KCNU1: variants seen among roughly 807,000 people sequenced by gnomAD.
KCNU1 encodes potassium channel subfamily U member 1.
In KCNU1, 93 loss-of-function variants were observed where a neutral mutation model predicts 126.8. That is an observed-to-expected ratio of 0.73 (90% CI 0.62 to 0.87). The LOEUF is 0.87. Among genes scored for constraint, KCNU1 ranks in the 40% least tolerant of loss-of-function variants. The pLI is 0.00. For synonymous variants in KCNU1, 523 were observed against 494.2 expected (o/e 1.06, Z -0.77); for missense variants, 1,330 against 1,367.1 (o/e 0.97, Z 0.43).
chr8:36,836,447 TA>T, intron 13 of KCNU1, 82 bp downstream of exon 13: 1 of 987,802 alleles, frequency 1.0e-6, no homozygotes, highest in South Asian at 1.5e-5. Context: ...AATGGATGTG[TA>T]AATAAAAAGT....
chr8:36,930,130 TGAAG>T (rs914869163), intron 24 of KCNU1, among the ~76,000 whole-genome samples: 2 of 151,942 alleles, frequency 1.3e-5, no homozygotes, highest in Non-Finnish European at 2.9e-5. Context: ...TTAGATAAAA[TGAAG>T]GATGAAAAAT....
At chr8:36,800,232 G>T (rs766786101) in intron 2 of KCNU1, among the ~76,000 whole-genome samples, 1 of 151,974 alleles carries the variant, frequency 6.6e-6, no homozygotes, top group Non-Finnish European at 1.5e-5. Context: ...ATATGCCCAA[G>T]GTTTAGAGTA....
At chr8:36,812,766 G>C (rs936652491) in intron 7 of KCNU1, among the ~76,000 whole-genome samples, 2 of 152,120 alleles carry the variant, frequency 1.3e-5, no homozygotes, top group Admixed American at 1.3e-4. Flanking sequence ...CCCACAGAAG[G>C]CTGCCATCTC....
At chr8:36,849,913 C>T (rs1270667635) in intron 18 of KCNU1, among the ~76,000 whole-genome samples, 4 of 152,172 alleles carry the variant, frequency 2.6e-5, no homozygotes, top group East Asian at 1.9e-4. Flanking sequence ...CCATTGTCCA[C>T]GGCAGCTACA....
At chr8:36,855,344 C>T (rs117377504) in intron 18 of KCNU1, among the ~76,000 whole-genome samples, 2,912 of 151,966 alleles carry the variant, frequency 0.019, 37 homozygotes, top group South Asian at 0.045. Context: ...GATAACACTC[C>T]CTGGGGATAG....
chr8:36,836,877 G>A lies in KCNU1; in HGVS notation c.1450G>A (p.Ala484Thr), dbSNP rs763016160. The A allele has an allele frequency of 8.7e-6, 14 of 1,613,590 alleles. No homozygotes were observed. Among genetic ancestry groups the A allele is most frequent in the Admixed American group, 8.3e-5 (5 of 59,990 alleles). Residue 484 changes from alanine to threonine, a missense_variant, in exon 14 of 27, where the codon GCC becomes ACC. Around this residue, in one of 3 missense-constraint regions of KCNU1, gnomAD observed 1,054 missense variants for 1,053.9 expected, o/e 1.00. Transcript: ENST00000399881. ...CFAELKLGFI[A>T]QGCLVPGLCT... is the part of the protein sequence containing the mutation. ...TGCTGAATTAAAACTTGGATTTATC[G>A]CCCAAGGCTGTTTGGTGCCAGGCTT...
intron 4 of KCNU1, among the ~76,000 whole-genome samples, chr8:36,805,528 C>G (rs1047057221): frequency 6.6e-6 from 1 of 152,164 alleles, no homozygotes; most frequent in Non-Finnish European, 1.5e-5. Flanking sequence ...ATGCCATCAT[C>G]GTGTTCCCAT....
rs527507492 is a variant in KCNU1 at position 36,813,503 on chromosome 8, ATATAT to A, written c.733-700_733-696del. 4.9e-3 allele frequency among the ~76,000 whole-genome samples: 745 copies of A among 150,560 alleles called. 9 individuals carry two copies. Among genetic ancestry groups the A allele is most frequent in the African/African-American group, 0.017 (703 of 41,264 alleles). On this transcript the variant is annotated intron_variant, in intron 7 of 26. Coordinates refer to ENST00000399881, the MANE Select transcript of KCNU1 (RefSeq NM_001031836.3). ...CATGTATAAATGTATGTTATATATA[ATATAT>A]TATGTTACACAATATTTTACATATA...
intron 23 of KCNU1, among the ~76,000 whole-genome samples, chr8:36,921,405 G>A (rs753567043): frequency 2.0e-5 from 3 of 152,056 alleles, no homozygotes; most frequent in Non-Finnish European, 4.4e-5. Flanking sequence ...TAAGACAAAC[G>A]TTCTTGAAAG....
intron 19 of KCNU1, chr8:36,889,008 A>G (rs1806840494): frequency 2.4e-6 from 1 of 418,442 alleles, no homozygotes; most frequent in African/African-American, 2.1e-5. Flanking sequence ...TCTCTTCAGT[A>G]GCTGAGATTA....
At chr8:36,802,034 G>A (rs1038233436) in intron 2 of KCNU1, among the ~76,000 whole-genome samples, 1 of 149,572 alleles carries the variant, frequency 6.7e-6, no homozygotes, top group Non-Finnish European at 1.5e-5. Flanking sequence ...GCTTGAAACC[G>A]GAAGGCGGAG....
intron 2 of KCNU1, 138 bp from the exon 3 acceptor site, chr8:36,803,889 T>C (rs561711052): frequency 2.9e-6 from 2 of 685,190 alleles, no homozygotes; most frequent in African/African-American, 3.6e-5. Flanking sequence ...AATGAATGAA[T>C]GAATACTAAC....
At chr8:36,912,751 C>A (rs1807932034) in intron 22 of KCNU1, among the ~76,000 whole-genome samples, 1 of 152,016 alleles carries the variant, frequency 6.6e-6, no homozygotes, top group African/African-American at 2.4e-5. Flanking sequence ...GTGGGGGGAT[C>A]ACAAGGTCAG....
intron 19 of KCNU1, among the ~76,000 whole-genome samples, chr8:36,871,337 T>C (rs1437356766): frequency 5.3e-5 from 8 of 151,980 alleles, no homozygotes; most frequent in Admixed American, 1.3e-4. Flanking sequence ...TTTGTATTCA[T>C]AGGTGAAAAT....
At chr8:36,917,380 C>G (rs1053100130) in intron 22 of KCNU1, among the ~76,000 whole-genome samples, 1 of 149,384 alleles carries the variant, frequency 6.7e-6, no homozygotes, top group African/African-American at 2.5e-5. Flanking sequence ...GCTAGGATCT[C>G]GGTCTGTCAC....
intron 12 of KCNU1, among the ~76,000 whole-genome samples, chr8:36,835,596 C>G (rs571057009): frequency 2.0e-5 from 3 of 152,302 alleles, no homozygotes; most frequent in Admixed American, 6.5e-5. Context: ...CCACCTTAGC[C>G]TCCCAAAGTG....
chr8:36,872,947 G>A (rs749597451), intron 19 of KCNU1, among the ~76,000 whole-genome samples: 1 of 151,954 alleles, frequency 6.6e-6, no homozygotes, highest in East Asian at 1.9e-4. Flanking sequence ...GTGAAACCCC[G>A]TCACGCCTGT....
intron 2 of KCNU1, among the ~76,000 whole-genome samples, chr8:36,787,902 T>A (rs1802771331): frequency 6.7e-6 from 1 of 149,302 alleles, no homozygotes; most frequent in Admixed American, 6.7e-5. Context: ...TGTATTATAA[T>A]CATATTTTAT....
intron 10 of KCNU1, among the ~76,000 whole-genome samples, chr8:36,824,063 C>T (rs1487141950): frequency 6.6e-6 from 1 of 152,094 alleles, no homozygotes; most frequent in African/African-American, 2.4e-5. Flanking sequence ...TCTTGAACTC[C>T]TGACCTCAGG....
Sources: allele counts gnomAD v4.1 joint callset (sites outside exome capture counted in the v4.1 genomes callset), GRCh38; gene constraint gnomAD v4.1.1; regional missense constraint gnomAD v4.1.1; transcripts MANE v1.5; gene names NCBI Gene and HGNC (gene_info 2026-07-23, HGNC 2026-07-21).